Variants in PPFIA2 observed in about 807,000 individuals in gnomAD.
PPFIA2 encodes liprin-alpha-2.
Under a neutral mutation model 175.5 loss-of-function variants are expected in PPFIA2, and 46 were observed. The ratio of observed to expected loss-of-function variants is 0.26; its 90% confidence interval spans 0.21 to 0.34. PPFIA2 has a LOEUF of 0.34. Among genes scored for constraint, PPFIA2 ranks in the 10% least tolerant of loss-of-function variants. The pLI is 1.00. For missense variants in PPFIA2, 1,179 were observed against 1,506.1 expected (o/e 0.78, Z 3.60); for synonymous variants, 568 against 511.4 (o/e 1.11, Z -1.49).
intron 3 of PPFIA2, among the ~76,000 whole-genome samples, chr12:81,717,168 C>A (rs369816220): frequency 1.3e-5 from 2 of 151,570 alleles, no homozygotes; most frequent in Non-Finnish European, 2.9e-5. Flanking sequence ...GCTTTTGTAC[C>A]AAGAAAGCAG....
At position 81,400,346 on chromosome 12, in the gene PPFIA2, A is replaced by G. The variant is rs149094630; in HGVS notation, c.762+5441T>C. Among the ~76,000 whole-genome samples the G allele has an allele frequency of 2.6e-3, 392 of 152,274 alleles. 1 individual carries two copies. Among genetic ancestry groups the G allele is most frequent in the African/African-American group, 9.1e-3 (378 of 41,558 alleles). ...ATTCTAAAACAGCATTGTATTGCTA[A>G]AAGTCCACAAAACCCTTAATTTTGA... On this transcript the variant is annotated intron_variant, in intron 8 of 32. Transcript: ENST00000549396.
intron 7 of PPFIA2, among the ~76,000 whole-genome samples, chr12:81,436,650 G>C (rs1176192572): frequency 6.6e-6 from 1 of 152,020 alleles, no homozygotes; most frequent in Non-Finnish European, 1.5e-5. Context: ...TTACTATAGA[G>C]AATCAACAAC....
At chr12:81,522,828 C>T (rs1182275449) in intron 4 of PPFIA2, among the ~76,000 whole-genome samples, 1 of 152,186 alleles carries the variant, frequency 6.6e-6, no homozygotes, top group Non-Finnish European at 1.5e-5. Flanking sequence ...ATGATCCTCA[C>T]TCACAGAGAC....
intron 4 of PPFIA2, among the ~76,000 whole-genome samples, chr12:81,642,586 T>TC (rs2065118609): frequency 1.4e-5 from 2 of 140,072 alleles, no homozygotes; most frequent in Non-Finnish European, 3.1e-5. Context: ...AAAAGTATAA[T>TC]AATATATGTA....
At chr12:81,269,389 TCAGA>T in intron 28 of PPFIA2, among the ~76,000 whole-genome samples, 1 of 152,342 alleles carries the variant, frequency 6.6e-6, no homozygotes, top group East Asian at 1.9e-4. Context: ...CCTAGCTCTT[TCAGA>T]CAAAGTATAA....
chr12:81,604,876 A>G (rs2060133919), intron 4 of PPFIA2, among the ~76,000 whole-genome samples: 1 of 151,764 alleles, frequency 6.6e-6, no homozygotes, highest in Non-Finnish European at 1.5e-5. Flanking sequence ...AAGTATGACT[A>G]AACTATACTT....
chr12:81,267,848 TAAAAG>T, intron 29 of PPFIA2, 59 bp downstream of exon 29: 2 of 1,453,540 alleles, frequency 1.4e-6, no homozygotes, highest in Admixed American at 2.4e-5. Context: ...AATTTTTTTC[TAAAAG>T]TTTAGTTTAT....
intron 7 of PPFIA2, among the ~76,000 whole-genome samples, chr12:81,432,951 T>A (rs1189073146): frequency 1.3e-5 from 2 of 151,624 alleles, no homozygotes; most frequent in African/African-American, 4.9e-5. Context: ...AGCCTTACAC[T>A]TTACAAAAAA....
intron 4 of PPFIA2, among the ~76,000 whole-genome samples, chr12:81,605,723 A>C (rs910741550): frequency 6.6e-6 from 1 of 151,542 alleles, no homozygotes; most frequent in African/African-American, 2.4e-5. Context: ...ATCTCTATTT[A>C]ATCTATCTTC....
In PPFIA2 at chr12:81,347,395, G is replaced by A. The variant is rs1431837206; in HGVS notation, c.2232+138C>T. 3 of 777,004 alleles carry A rather than the reference G, an allele frequency of 3.9e-6. No homozygotes were observed. The African/African-American group carries it at 5.2e-5, about 13-fold the overall frequency. The allele number at this position is 777,004 out of a possible 1,614,324, so 48.1% of individuals were successfully genotyped here. The stretch of plus-strand genomic sequence containing the variant: ...TTCATAAATGTACTGATCACATAGG[G>A]ATGTTGTGAATAAGAAAATAAATAA... On this transcript the variant is annotated intron_variant, in intron 18 of 32. Transcript: ENST00000549396.
Position 81,730,984 on chromosome 12 carries a change from T to C in PPFIA2, c.249+22989A>G, listed in dbSNP as rs567034287. Among the ~76,000 whole-genome samples the C allele has an allele frequency of 3.8e-4, 57 of 151,790 alleles. 1 individual carries two copies. The highest frequency in any genetic ancestry group is 4.2e-4 in the South Asian group (2 of 4,816). On this transcript the variant is annotated intron_variant, in intron 3 of 32. Transcript: ENST00000549396. ...AAGAATCCCTATTTAAAAAATGTAG[T>C]AGTTTTTGATTAAAACTGTTACATC...
intron 4 of PPFIA2, among the ~76,000 whole-genome samples, chr12:81,594,106 A>G (rs1010734181): frequency 6.6e-6 from 1 of 152,110 alleles, no homozygotes; most frequent in African/African-American, 2.4e-5. Context: ...CCTGCCTTAC[A>G]GAAATCTCAT....
chr12:81,516,510 G>C (rs2062463273), intron 4 of PPFIA2, among the ~76,000 whole-genome samples: 1 of 152,144 alleles, frequency 6.6e-6, no homozygotes, highest in Non-Finnish European at 1.5e-5. Flanking sequence ...TTAAAAATAA[G>C]TGATTTGGTT....
intron 4 of PPFIA2, among the ~76,000 whole-genome samples, chr12:81,618,738 T>A (rs916703825): frequency 5.9e-5 from 9 of 151,988 alleles, no homozygotes; most frequent in African/African-American, 9.7e-5. Context: ...TTCACCATGT[T>A]AGCCACGATG....
intron 4 of PPFIA2, among the ~76,000 whole-genome samples, chr12:81,661,605 C>G (rs1567762211): frequency 6.6e-6 from 1 of 152,130 alleles, no homozygotes; most frequent in Non-Finnish European, 1.5e-5. Context: ...TTATGGGAGA[C>G]TTTAACACCC....
chr12:81,667,839 C>T (rs1055845733), intron 4 of PPFIA2, among the ~76,000 whole-genome samples: 1 of 152,032 alleles, frequency 6.6e-6, no homozygotes, highest in Non-Finnish European at 1.5e-5. Context: ...CTTTTCTGAT[C>T]ACCCCACCTT....
intron 15 of PPFIA2, among the ~76,000 whole-genome samples, chr12:81,358,813 A>G (rs1414019005): frequency 6.6e-6 from 1 of 152,148 alleles, no homozygotes; most frequent in Non-Finnish European, 1.5e-5. Flanking sequence ...AATAGGATAT[A>G]CTACCAAAAG....
intron 29 of PPFIA2, chr12:81,267,328 C>A: frequency 2.4e-6 from 1 of 414,470 alleles, no homozygotes; most frequent in Non-Finnish European, 4.6e-6. Flanking sequence ...TATGTAAAAA[C>A]AAAATAAAAA....
chr12:81,571,308 G>A (rs2072497381), intron 4 of PPFIA2, among the ~76,000 whole-genome samples: 1 of 152,046 alleles, frequency 6.6e-6, no homozygotes, highest in Non-Finnish European at 1.5e-5. Flanking sequence ...GGAGTGGAAG[G>A]AAGAAGGAAA....
Sources: allele counts gnomAD v4.1 joint callset (sites outside exome capture counted in the v4.1 genomes callset), GRCh38; gene constraint gnomAD v4.1.1; transcripts MANE v1.5; gene names NCBI Gene and HGNC (gene_info 2026-07-23, HGNC 2026-07-21).